The following NTM variants were observed in gnomAD, a reference collection of about 807,000 sequenced individuals.
NTM encodes the protein IgLON family member 2.
In NTM, 13 loss-of-function variants were observed where a neutral mutation model predicts 42.1. The observed-to-expected ratio is 0.31, with a 90% CI of 0.20 to 0.49. The LOEUF is 0.49. NTM is among the 20% of genes least tolerant of loss of function. NTM has a pLI of 0.99. For synonymous variants in NTM, 187 were observed against 179.2 expected (o/e 1.04, Z -0.35); for missense variants, 373 against 452.8 (o/e 0.82, Z 1.60).
chr11:132,155,263 C>A (rs962063121), intron 3 of NTM, among the ~76,000 whole-genome samples: 2 of 152,090 alleles, frequency 1.3e-5, no homozygotes, highest in Non-Finnish European at 2.9e-5. Context: ...CAATTAGATA[C>A]CTTTTATAGA....
intron 4 of NTM, among the ~76,000 whole-genome samples, chr11:132,300,258 T>C (rs1389895878): frequency 6.6e-6 from 1 of 152,186 alleles, no homozygotes; most frequent in Non-Finnish European, 1.5e-5. Context: ...CTAATTAGGG[T>C]TGCAGTAAAA....
chr11:132,019,625 T>A (rs921506672), intron 2 of NTM, among the ~76,000 whole-genome samples: 4 of 152,014 alleles, frequency 2.6e-5, no homozygotes, highest in African/African-American at 4.8e-5. Context: ...ATTAAAAAAA[T>A]TTCCTTTCCA....
chr11:132,016,653 A>G (rs904703479), intron 2 of NTM, among the ~76,000 whole-genome samples: 3 of 151,948 alleles, frequency 2.0e-5, no homozygotes, highest in Admixed American at 6.6e-5. Flanking sequence ...TACATTGTGG[A>G]GATCCCTAGG....
chr11:131,832,398 C>T (rs1414171442), intron 1 of NTM, among the ~76,000 whole-genome samples: 3 of 152,062 alleles, frequency 2.0e-5, no homozygotes, highest in African/African-American at 7.2e-5. Context: ...CATGGATACC[C>T]TGAGGAGGCT....
intron 1 of NTM, among the ~76,000 whole-genome samples, chr11:131,683,081 C>T (rs1464273242): frequency 1.6e-4 from 25 of 152,210 alleles, no homozygotes; most frequent in Admixed American, 1.6e-3. Context: ...CAGTCATCTG[C>T]ACAGCAATTA....
chr11:132,297,786 G>A (rs2094678509), intron 4 of NTM, among the ~76,000 whole-genome samples: 1 of 152,164 alleles, frequency 6.6e-6, no homozygotes, highest in Non-Finnish European at 1.5e-5. Context: ...ATCATAGCAA[G>A]GGGGTACCAA....
chr11:132,288,152 G>GA (rs2094320493), intron 4 of NTM, among the ~76,000 whole-genome samples: 1 of 152,224 alleles, frequency 6.6e-6, no homozygotes, highest in Non-Finnish European at 1.5e-5. Context: ...ATGGATGGGG[G>GA]AATAGCCTGG....
intron 1 of NTM, among the ~76,000 whole-genome samples, chr11:131,828,160 T>A (rs1473437628): frequency 6.6e-6 from 1 of 152,070 alleles, no homozygotes; most frequent in Non-Finnish European, 1.5e-5. Flanking sequence ...TCAATAACGT[T>A]TTTAGGTCTA....
chr11:132,013,494 G>A (rs1404406216), intron 2 of NTM, among the ~76,000 whole-genome samples: 2 of 152,062 alleles, frequency 1.3e-5, no homozygotes, highest in Admixed American at 1.3e-4. Flanking sequence ...AGCTAGTGGA[G>A]GACTTGGGAG....
intron 1 of NTM, among the ~76,000 whole-genome samples, chr11:131,559,483 C>A (rs543826845): frequency 2.0e-4 from 31 of 152,246 alleles, no homozygotes; most frequent in African/African-American, 7.5e-4. Flanking sequence ...GTATATTCAC[C>A]ACACAGTCTC....
chr11:131,545,456 T>C (rs761150357), intron 1 of NTM, among the ~76,000 whole-genome samples: 1 of 152,158 alleles, frequency 6.6e-6, no homozygotes, highest in African/African-American at 2.4e-5. Flanking sequence ...GTTTGGTTCA[T>C]TAAATGCATA....
chr11:131,671,111 CA>C (rs1565402391), intron 1 of NTM, among the ~76,000 whole-genome samples: 2 of 152,186 alleles, frequency 1.3e-5, no homozygotes, highest in Non-Finnish European at 2.9e-5. Context: ...TCTCTCCAAG[CA>C]AAAGCGCCAG....
intron 1 of NTM, among the ~76,000 whole-genome samples, chr11:131,725,631 A>G (rs1209358553): frequency 1.3e-5 from 2 of 152,174 alleles, no homozygotes; most frequent in Admixed American, 1.3e-4. Context: ...GGAGGGGAGT[A>G]AGAGGAAGGG....
intron 2 of NTM, among the ~76,000 whole-genome samples, chr11:132,129,799 T>G (rs7951627): frequency 0.071 from 10,836 of 152,306 alleles, 611 homozygotes; most frequent in African/African-American, 0.16. Flanking sequence ...AGGTACCAAA[T>G]GGATACAGCC....
intron 4 of NTM, among the ~76,000 whole-genome samples, chr11:132,238,063 A>C (rs1220957771): frequency 6.6e-6 from 1 of 152,162 alleles, no homozygotes; most frequent in South Asian, 2.1e-4. Flanking sequence ...CTTGGTGTGC[A>C]TTGTTTAATG....
At chr11:131,822,519 G>A (rs1275752502) in intron 1 of NTM, among the ~76,000 whole-genome samples, 1 of 152,120 alleles carries the variant, frequency 6.6e-6, no homozygotes, top group African/African-American at 2.4e-5. Context: ...GAATAAGAAC[G>A]CGTGTACAGA....
chr11:131,908,430 C>A (rs1477163703), intron 1 of NTM, among the ~76,000 whole-genome samples: 1 of 152,190 alleles, frequency 6.6e-6, no homozygotes, highest in Non-Finnish European at 1.5e-5. Context: ...CTCCTTTGTA[C>A]CTACCTGAAA....
intron 1 of NTM, among the ~76,000 whole-genome samples, chr11:131,577,299 G>A (rs1369123499): frequency 1.3e-5 from 2 of 152,110 alleles, no homozygotes; most frequent in African/African-American, 2.4e-5. Context: ...AAAATGACAA[G>A]GATTCTTTGG....
In NTM at chr11:132,130,461, G is replaced by T. The variant is rs550256164; in HGVS notation, c.168-15821G>T. On this transcript the variant is annotated intron_variant, in intron 2 of 8. Transcript: ENST00000683400. ...TCATGTTGCTAATTTTACTTCATGC[G>T]TTTAAGTTCTAATTAATACTATCTG... Among the ~76,000 whole-genome samples the T allele has an allele frequency of 6.6e-5, 10 of 152,252 alleles. No individual in the cohort carries two copies. The East Asian group carries it at 1.2e-3, about 18-fold the overall frequency.
Sources: allele counts gnomAD v4.1 joint callset (sites outside exome capture counted in the v4.1 genomes callset), GRCh38; gene constraint gnomAD v4.1.1; transcripts MANE v1.5; gene names NCBI Gene and HGNC (gene_info 2026-07-23, HGNC 2026-07-21).